The following DGKB variants were observed in gnomAD, a reference collection of about 807,000 sequenced individuals.
DGKB encodes the protein 90 kDa diacylglycerol kinase.
Under a neutral mutation model 114.3 loss-of-function variants are expected in DGKB, and 67 were observed. The observed-to-expected ratio is 0.59, with a 90% CI of 0.48 to 0.72. The LOEUF is 0.72. Ranked by LOEUF, DGKB falls within the 30% of genes least tolerant of loss-of-function variation. The pLI is 0.00. For synonymous variants in DGKB, 398 were observed against 323.1 expected (o/e 1.23, Z -2.49); for missense variants, 907 against 975.2 (o/e 0.93, Z 0.93).
chr7:14,210,732 G>A (rs1787626697), intron 23 of DGKB, among the ~76,000 whole-genome samples: 2 of 152,034 alleles, frequency 1.3e-5, no homozygotes, highest in African/African-American at 4.8e-5. Context: ...AGAGATGACT[G>A]TGTCACCTAA....
intron 1 of DGKB, among the ~76,000 whole-genome samples, chr7:14,919,878 C>G (rs1428796100): frequency 1.3e-5 from 2 of 152,120 alleles, no homozygotes; most frequent in African/African-American, 4.8e-5. Flanking sequence ...ATGTGACATG[C>G]TTTCTCCTCC....
In DGKB at chr7:14,389,719, T is replaced by C. The variant is rs556784244; in HGVS notation, c.1836-44328A>G. 5.3e-5 allele frequency among the ~76,000 whole-genome samples: 8 copies of C among 152,310 alleles called. No homozygotes were observed. In the South Asian group the frequency reaches 1.5e-3, roughly 28 times the overall value. On this transcript the variant is annotated intron_variant, in intron 21 of 25. Transcript: ENST00000402815. ...CAGAAAAGTAAACAGCACTTCAGCT[T>C]TTCTCCGCCATTAAGGCCTAAATGG...
intron 1 of DGKB, among the ~76,000 whole-genome samples, chr7:14,929,768 T>A (rs537127095): frequency 6.6e-6 from 1 of 152,276 alleles, no homozygotes; most frequent in African/African-American, 2.4e-5. Context: ...GCCTATAATT[T>A]TGAGGTCTTA....
chr7:14,307,767 TAG>T (rs1268064112), intron 23 of DGKB, among the ~76,000 whole-genome samples: 7 of 152,184 alleles, frequency 4.6e-5, no homozygotes, highest in African/African-American at 7.2e-5. Flanking sequence ...TTATATCACA[TAG>T]AGTTTTTCTT....
intron 13 of DGKB, among the ~76,000 whole-genome samples, chr7:14,668,551 A>AT (rs1259069454): frequency 6.6e-6 from 1 of 152,064 alleles, no homozygotes; most frequent in Admixed American, 6.6e-5. Context: ...AACAATTATA[A>AT]TATTTATCTT....
At chr7:14,702,912 G>C (rs966513572) in intron 6 of DGKB, among the ~76,000 whole-genome samples, 6 of 152,106 alleles carry the variant, frequency 3.9e-5, no homozygotes, top group Non-Finnish European at 7.3e-5. Flanking sequence ...TATATTTATT[G>C]TAAGAGGCAA....
intron 20 of DGKB, among the ~76,000 whole-genome samples, chr7:14,573,342 GATAA>G (rs1373110321): frequency 1.3e-5 from 2 of 152,036 alleles, no homozygotes; most frequent in South Asian, 2.1e-4. Context: ...GCATGGCACA[GATAA>G]ATAAATAGAT....
chr7:14,425,127 GATT>G (rs1284726371), intron 21 of DGKB, among the ~76,000 whole-genome samples: 1 of 151,904 alleles, frequency 6.6e-6, no homozygotes, highest in Non-Finnish European at 1.5e-5. Flanking sequence ...GATTTTCATT[GATT>G]TTTTTCTTCT....
rs931451119 is a variant in DGKB at position 14,148,248 on chromosome 7, C to A, written c.*883G>T. 2 of 152,552 alleles carry A rather than the reference C, an allele frequency of 1.3e-5. No homozygotes were observed. The highest frequency in any genetic ancestry group is 1.5e-5 in the Non-Finnish European group (1 of 68,018). 9.4% of individuals were successfully genotyped at this position (152,552 alleles called of 1,614,324 possible). ...TCATCACAAAATTAATCACAGGAAC[C>A]CTAAATTTGCTCCACAATGCTTAAT... On this transcript the variant is annotated 3_prime_UTR_variant, in exon 26 of 26. Coordinates refer to ENST00000402815, the MANE Select transcript of DGKB (RefSeq NM_001350709.2).
intron 20 of DGKB, among the ~76,000 whole-genome samples, chr7:14,531,511 G>T (rs1184596997): frequency 6.6e-6 from 1 of 151,424 alleles, no homozygotes; most frequent in South Asian, 2.1e-4. Context: ...ATGGAAACTT[G>T]CATTATAAGA....
At chr7:14,804,716 T>C (rs1842592658) in intron 2 of DGKB, among the ~76,000 whole-genome samples, 1 of 152,100 alleles carries the variant, frequency 6.6e-6, no homozygotes, top group South Asian at 2.1e-4. Context: ...ACTTCATCTA[T>C]GCTACTTTTG....
intron 13 of DGKB, among the ~76,000 whole-genome samples, chr7:14,640,541 G>C (rs1273282425): frequency 6.6e-6 from 1 of 152,134 alleles, no homozygotes; most frequent in Non-Finnish European, 1.5e-5. Context: ...TCAACTGATA[G>C]ATTTTTATCA....
At chr7:14,533,824 C>A (rs947770670) in intron 20 of DGKB, among the ~76,000 whole-genome samples, 1 of 151,940 alleles carries the variant, frequency 6.6e-6, no homozygotes, top group Admixed American at 6.6e-5. Context: ...CAAAACTGTC[C>A]TTCAAAAATC....
intron 2 of DGKB, among the ~76,000 whole-genome samples, chr7:14,800,499 T>C (rs1842012596): frequency 6.6e-6 from 1 of 152,232 alleles, no homozygotes; most frequent in South Asian, 2.1e-4. Flanking sequence ...CCGTGCTGGA[T>C]GCTTTCTGCC....
chr7:14,365,825 A>T (rs1331982480), intron 21 of DGKB, among the ~76,000 whole-genome samples: 1 of 152,154 alleles, frequency 6.6e-6, no homozygotes, highest in Non-Finnish European at 1.5e-5. Context: ...GCTAGAGCCA[A>T]TTAGTCTGTA....
At chr7:14,644,079 C>T (rs1387179765) in intron 13 of DGKB, among the ~76,000 whole-genome samples, 1 of 150,514 alleles carries the variant, frequency 6.6e-6, no homozygotes, top group Non-Finnish European at 1.5e-5. Context: ...GCCTAAACTA[C>T]TGAGAAAATC....
At chr7:14,652,770 T>C (rs1429613952) in intron 13 of DGKB, among the ~76,000 whole-genome samples, 1 of 151,992 alleles carries the variant, frequency 6.6e-6, no homozygotes, top group Admixed American at 6.6e-5. Context: ...GGGCTAATAA[T>C]ATCCAGAATC....
At chr7:14,625,466 A>G (rs532200966) in intron 14 of DGKB, among the ~76,000 whole-genome samples, 14 of 152,284 alleles carry the variant, frequency 9.2e-5, no homozygotes, top group African/African-American at 3.4e-4. Flanking sequence ...CCTGACTGGC[A>G]GACCTCTATT....
chr7:14,785,893 CTT>C (rs367579936), intron 2 of DGKB, among the ~76,000 whole-genome samples: 14 of 140,462 alleles, frequency 1.0e-4, no homozygotes, highest in Non-Finnish European at 7.8e-5. Flanking sequence ...AGAAGTTTTT[CTT>C]TTTTTTTTTT....
Sources: allele counts gnomAD v4.1 joint callset (sites outside exome capture counted in the v4.1 genomes callset), GRCh38; gene constraint gnomAD v4.1.1; transcripts MANE v1.5; gene names NCBI Gene and HGNC (gene_info 2026-07-23, HGNC 2026-07-21).